ICA1L: variants seen among roughly 807,000 people sequenced by gnomAD.
ICA1L encodes the protein islet cell autoantigen 1-like protein.
In ICA1L, 50 loss-of-function variants were observed where a neutral mutation model predicts 61.3. The observed-to-expected ratio is 0.82, with a 90% CI of 0.65 to 1.03. The LOEUF (loss-of-function observed/expected upper bound fraction) is 1.03, where lower values mean the gene tolerates loss of function less well. Among genes scored for constraint, ICA1L ranks in the 50% least tolerant of loss-of-function variants. The pLI is 0.00. For synonymous variants in ICA1L, 161 were observed against 191.3 expected (o/e 0.84, Z 1.31); for missense variants, 508 against 556.7 (o/e 0.91, Z 0.88).
At chr2:202,834,348 G>C (rs988048267) in intron 1 of ICA1L, among the ~76,000 whole-genome samples, 1 of 152,088 alleles carries the variant, frequency 6.6e-6, no homozygotes, top group Non-Finnish European at 1.5e-5. Context: ...ATGCATAGAG[G>C]CCGGGTGTGG....
At chr2:202,832,291 T>C (rs1694031576) in intron 1 of ICA1L, among the ~76,000 whole-genome samples, 1 of 151,958 alleles carries the variant, frequency 6.6e-6, no homozygotes, top group South Asian at 2.1e-4. Context: ...CATACTCCAG[T>C]GGGGAAAGGG....
intron 9 of ICA1L, among the ~76,000 whole-genome samples, chr2:202,807,683 C>T (rs144505847): frequency 0.091 from 13,894 of 152,038 alleles, 759 homozygotes; most frequent in Non-Finnish European, 0.13. Context: ...CAATCCCAGG[C>T]AGTGCAGCTT....
At chr2:202,843,307 G>T (rs1694378381) in intron 1 of ICA1L, among the ~76,000 whole-genome samples, 2 of 152,268 alleles carry the variant, frequency 1.3e-5, no homozygotes, top group African/African-American at 4.8e-5. Flanking sequence ...GGGGTGCAGT[G>T]GTTCTGGCAC....
At chr2:202,838,175 C>T (rs1475262382) in intron 1 of ICA1L, among the ~76,000 whole-genome samples, 1 of 152,064 alleles carries the variant, frequency 6.6e-6, no homozygotes, top group African/African-American at 2.4e-5. Flanking sequence ...TTAAAATTTC[C>T]TTTTAAATTT....
chr2:202,779,869 T>G lies in ICA1L; in HGVS notation c.1334-221A>C, dbSNP rs1363518791. 3.3e-5 allele frequency among the ~76,000 whole-genome samples: 5 copies of G among 151,024 alleles called. 1 individual carries two copies. In the East Asian group the frequency reaches 9.8e-4, roughly 29 times the overall value. ...TATGTTGCCCAGGCTGGTCTGGAAC[T>G]CCTGGGCTCAAGTGATTCTCCCACC... On this transcript the variant is annotated intron_variant, in intron 12 of 12. Transcript: ENST00000358299.
At chr2:202,826,322 G>T (rs1693841663) in intron 2 of ICA1L, among the ~76,000 whole-genome samples, 1 of 151,944 alleles carries the variant, frequency 6.6e-6, no homozygotes, top group South Asian at 2.1e-4. Flanking sequence ...TAACAGAAAA[G>T]AAATAAAATA....
rs1462555700 is a variant in ICA1L at position 202,862,272 on chromosome 2, C to CCAAAAAAAAAA, written c.-8+9346_-8+9347insTTTTTTTTTTG. Among the ~76,000 whole-genome samples the CCAAAAAAAAAA allele has an allele frequency of 3.3e-4, 21 of 62,976 alleles. 6 individuals carry two copies. Among genetic ancestry groups the CCAAAAAAAAAA allele is most frequent in the East Asian group, 6.6e-4 (1 of 1,512 alleles). 41.3% of individuals were successfully genotyped at this position (62,976 alleles called of 152,430 possible). A position where few individuals can be genotyped will look rare whatever the true frequency, so the allele number is the denominator to read the frequency against. ...GCAACACAGTAAGACCTCATTTCTA[C>CCAAAAAAAAAA]AAAAAAAAAAAAAAAAAAAAAAAAA... On this transcript the variant is annotated intron_variant, in intron 1 of 12. Coordinates refer to ENST00000358299, the MANE Select transcript of ICA1L (RefSeq NM_001288622.3).
chr2:202,779,651 A>G lies in ICA1L; in HGVS notation c.1334-3T>C, dbSNP rs1692332026. 7 of 1,549,514 alleles carry G rather than the reference A, an allele frequency of 4.5e-6. No individual in the cohort carries two copies. Among genetic ancestry groups the G allele is most frequent in the Non-Finnish European group, 5.3e-6 (6 of 1,129,298 alleles). On this transcript the variant is annotated splice_polypyrimidine_tract_variant and splice_region_variant and intron_variant, in intron 12 of 12. Transcript: ENST00000358299. Reference sequence around the variant, plus strand: ...GTCTTGGTTGCCATTGTTGGGGGCTATTAAAAAAGAAAAAAAATACATTAA... The same window carrying G: ...GTCTTGGTTGCCATTGTTGGGGGCTGTTAAAAAAGAAAAAAAATACATTAA...
chr2:202,777,565 TAGG>T lies in ICA1L; in HGVS notation c.*1965_*1967del, dbSNP rs761128458. On this transcript the variant is annotated 3_prime_UTR_variant, in exon 13 of 13. Transcript: ENST00000358299. ...ATGGCTCATTAAAATCTAAAAGAAA[TAGG>T]AGTAATATTGTGAAAAGATTTTATG... 18 of 152,108 alleles carry T rather than the reference TAGG, an allele frequency of 1.2e-4. No homozygotes were observed. The highest frequency in any genetic ancestry group is 1.9e-4 in the Non-Finnish European group (13 of 68,012). 9.4% of individuals were successfully genotyped at this position (152,108 alleles called of 1,614,324 possible). A position where few individuals can be genotyped will look rare whatever the true frequency, so the allele number is the denominator to read the frequency against.
chr2:202,774,436 C>A lies in ICA1L; in HGVS notation c.*5097G>T. ...GTCGAGCCCCTGGCTCCCCGTTCGT[C>A]CAGGCCAGCTCAAGAAACAACTTTT... On this transcript the variant is annotated 3_prime_UTR_variant, in exon 13 of 13. Transcript: ENST00000358299. 4 of 669,830 alleles carry A rather than the reference C, an allele frequency of 6.0e-6. No homozygotes were observed. The highest frequency in any genetic ancestry group is 8.9e-6 in the Non-Finnish European group (4 of 450,802). 41.5% of individuals were successfully genotyped at this position (669,830 alleles called of 1,614,324 possible).
chr2:202,857,143 T>C (rs1263843246), intron 1 of ICA1L, among the ~76,000 whole-genome samples: 2 of 152,126 alleles, frequency 1.3e-5, no homozygotes, highest in African/African-American at 4.8e-5. Context: ...TTAAATTTCA[T>C]ATGGAACAAA....
intron 1 of ICA1L, among the ~76,000 whole-genome samples, chr2:202,835,948 A>G (rs1694136619): frequency 1.3e-5 from 2 of 152,186 alleles, no homozygotes; most frequent in African/African-American, 4.8e-5. Flanking sequence ...CTAAATATAA[A>G]ATCACATTGT....
At chr2:202,852,837 CATCACTGGCCATCAGAGAAATGCATA>C (rs1348080436) in intron 1 of ICA1L, among the ~76,000 whole-genome samples, 9 of 150,096 alleles carry the variant, frequency 6.0e-5, no homozygotes, top group African/African-American at 2.2e-4. Context: ...AAATGCTCAT[CATCACTGGCCATCAGAGAAATGCATA>C]TGACCAATGG....
At chr2:202,866,783 T>C (rs1687528900) in intron 1 of ICA1L, among the ~76,000 whole-genome samples, 1 of 152,010 alleles carries the variant, frequency 6.6e-6, no homozygotes, top group Non-Finnish European at 1.5e-5. Context: ...CCGTCTCTAT[T>C]AAAAATACAA....
intron 10 of ICA1L, among the ~76,000 whole-genome samples, chr2:202,791,774 G>A (rs879351950): frequency 2.0e-4 from 30 of 152,178 alleles, no homozygotes; most frequent in African/African-American, 7.2e-4. Context: ...GAACTTGGGA[G>A]GTGGAGGTTG....
chr2:202,814,228 T>A (rs1017137673), intron 8 of ICA1L, among the ~76,000 whole-genome samples: 1 of 152,070 alleles, frequency 6.6e-6, no homozygotes, highest in Admixed American at 6.5e-5. Flanking sequence ...GTAGGAGGTG[T>A]TTGGGTCATT....
intron 1 of ICA1L, among the ~76,000 whole-genome samples, chr2:202,843,200 G>T (rs1694376331): frequency 6.6e-6 from 1 of 152,020 alleles, no homozygotes; most frequent in Non-Finnish European, 1.5e-5. Flanking sequence ...CATTTTTCTT[G>T]TTGCCTTACA....
At chr2:202,782,606 A>G (rs1692447974) in intron 12 of ICA1L, among the ~76,000 whole-genome samples, 1 of 151,910 alleles carries the variant, frequency 6.6e-6, no homozygotes, top group South Asian at 2.1e-4. Context: ...ACGGGGTTTC[A>G]CCATGTTGGC....
chr2:202,833,366 C>T (rs1472483170), intron 1 of ICA1L, among the ~76,000 whole-genome samples: 1 of 151,944 alleles, frequency 6.6e-6, no homozygotes, highest in Non-Finnish European at 1.5e-5. Flanking sequence ...GGATCACTGG[C>T]GCCCAGGAGC....
Sources: allele counts gnomAD v4.1 joint callset (sites outside exome capture counted in the v4.1 genomes callset), GRCh38; gene constraint gnomAD v4.1.1; transcripts MANE v1.5; gene names NCBI Gene and HGNC (gene_info 2026-07-23, HGNC 2026-07-21).